Variants in NR2C1 observed in about 807,000 individuals in gnomAD.
NR2C1 encodes the protein TR2 nuclear hormone receptor.
A neutral mutation model predicts 74.8 loss-of-function variants in NR2C1; 33 were observed. That is an observed-to-expected ratio of 0.44 (90% CI 0.33 to 0.59). The LOEUF (loss-of-function observed/expected upper bound fraction) is 0.59, where lower values mean the gene tolerates loss of function less well. NR2C1 is among the 20% of genes least tolerant of loss of function. The pLI is 0.02. For synonymous variants in NR2C1, 225 were observed against 240.6 expected (o/e 0.94, Z 0.60); for missense variants, 568 against 715.6 (o/e 0.79, Z 2.35).
At chr12:95,047,757 A>C (rs1423950730) in intron 9 of NR2C1, among the ~76,000 whole-genome samples, 2 of 152,238 alleles carry the variant, frequency 1.3e-5, no homozygotes, top group Non-Finnish European at 2.9e-5. Flanking sequence ...GTTAAAATGG[A>C]AGAGTCAAAA....
chr12:95,050,850 C>A (rs1872901263), intron 8 of NR2C1, among the ~76,000 whole-genome samples: 1 of 152,104 alleles, frequency 6.6e-6, no homozygotes, highest in Non-Finnish European at 1.5e-5. Flanking sequence ...CTACTTTCTT[C>A]AACTGTAACT....
chr12:95,048,622 GTT>G lies in NR2C1; in HGVS notation c.1131+444_1131+445del, dbSNP rs899683567. Reference sequence around the variant, plus strand: ...ACATTTTGTTTCTATATGCAGATGAGTTTTTTTTTTTTTTTTTTTGAGACAGA... The same window carrying G: ...ACATTTTGTTTCTATATGCAGATGAGTTTTTTTTTTTTTTTTTGAGACAGA... On this transcript the variant is annotated intron_variant, in intron 9 of 13. Coordinates refer to ENST00000333003, the MANE Select transcript of NR2C1 (RefSeq NM_003297.4). 5.9e-3 allele frequency among the ~76,000 whole-genome samples: 772 copies of G among 130,476 alleles called. 8 individuals carry two copies. Among genetic ancestry groups the G allele is most frequent in the African/African-American group, 0.02 (726 of 36,118 alleles). 85.6% of individuals were successfully genotyped at this position (130,476 alleles called of 152,430 possible). A position where few individuals can be genotyped will look rare whatever the true frequency, so the allele number is the denominator to read the frequency against.
At chr12:95,046,252 C>CTTA (rs942240643) in intron 9 of NR2C1, among the ~76,000 whole-genome samples, 9 of 152,204 alleles carry the variant, frequency 5.9e-5, no homozygotes, top group Non-Finnish European at 2.9e-5. Context: ...AGACACTAAA[C>CTTA]ATCTCTACAT....
At chr12:95,060,419 T>C (rs369798490) in intron 3 of NR2C1, among the ~76,000 whole-genome samples, 66 of 152,294 alleles carry the variant, frequency 4.3e-4, no homozygotes, top group African/African-American at 1.6e-3. Flanking sequence ...TTTGGGAGGC[T>C]GAGGCGGGCA....
chr12:95,066,001 T>C (rs1312345297), intron 2 of NR2C1, among the ~76,000 whole-genome samples: 2 of 151,932 alleles, frequency 1.3e-5, no homozygotes, highest in African/African-American at 2.4e-5. Flanking sequence ...TGCTATCAAA[T>C]ACTAGGTCTA....
intron 8 of NR2C1, among the ~76,000 whole-genome samples, chr12:95,050,934 T>A (rs965347357): frequency 3.9e-5 from 6 of 152,194 alleles, no homozygotes; most frequent in Admixed American, 3.3e-4. Flanking sequence ...AGGATCAATA[T>A]GATTGCCTAG....
chr12:95,055,461 A>G (rs1873691826), intron 7 of NR2C1, among the ~76,000 whole-genome samples: 1 of 152,212 alleles, frequency 6.6e-6, no homozygotes. Flanking sequence ...AAACTGTAAG[A>G]TACTTTTATT....
In NR2C1 at chr12:95,059,894, T is replaced by C. The variant is rs1287260489; in HGVS notation, c.364+12A>G. 1.9e-6 allele frequency: 3 copies of C among 1,569,580 alleles called. No homozygotes were observed. Among genetic ancestry groups the C allele is most frequent in the Non-Finnish European group, 1.7e-6 (2 of 1,162,846 alleles). On this transcript the variant is annotated intron_variant, in intron 4 of 13. Transcript: ENST00000333003. ...TTTTTTTCTGTTTTTAGGAGGTTAT[T>C]CTTAATGTTACCTGATGCTTTGTCT...
At chr12:95,060,112 T>C in intron 3 of NR2C1, 128 bp from the exon 4 acceptor site, 1 of 755,670 alleles carries the variant, frequency 1.3e-6, no homozygotes, top group Non-Finnish European at 2.1e-6. Context: ...TTTCACAAGT[T>C]ATTTTTAAAC....
chr12:95,068,295 A>G (rs1441019112), intron 1 of NR2C1, among the ~76,000 whole-genome samples: 1 of 151,988 alleles, frequency 6.6e-6, no homozygotes, highest in African/African-American at 2.4e-5. Context: ...ACTAATTTTA[A>G]CTCAATTATC....
chr12:95,023,090 G>A (rs1565828449), intron 13 of NR2C1, among the ~76,000 whole-genome samples: 3 of 151,750 alleles, frequency 2.0e-5, no homozygotes, highest in South Asian at 2.1e-4. Flanking sequence ...TCAGGAGTTC[G>A]AGACCAGCCT....
Position 95,049,014 on chromosome 12 carries a change from T to C in NR2C1, c.1131+54A>G, listed in dbSNP as rs533094642. The C allele has an allele frequency of 5.2e-5, 76 of 1,448,886 alleles. No individual in the cohort carries two copies. The East Asian group carries it at 1.6e-3, about 31-fold the overall frequency. 89.8% of individuals were successfully genotyped at this position (1,448,886 alleles called of 1,614,324 possible). A position where few individuals can be genotyped will look rare whatever the true frequency, so the allele number is the denominator to read the frequency against. On this transcript the variant is annotated intron_variant, in intron 9 of 13. Transcript: ENST00000333003. ...CAAACATACTTTGATTTTTGAAAGG[T>C]AGATCAAAATCAAGCAACACAACAT...
Position 95,060,000 on chromosome 12 carries a change from AAAAAAAAG to A in NR2C1, c.286-24_286-17del. On this transcript the variant is annotated splice_polypyrimidine_tract_variant and intron_variant, in intron 3 of 13. Transcript: ENST00000333003. ...CTGTTAGGAGCTAAAAAAAAAAAAAAAAAAAAAGAAAACAAAAACGAAAACCTGTTGTT... is the reference window on the plus strand; with the variant it reads ...CTGTTAGGAGCTAAAAAAAAAAAAAAAAAACAAAAACGAAAACCTGTTGTT... 6.5e-7 allele frequency: 1 copy of A among 1,549,132 alleles called. No homozygotes were observed. The highest frequency in any genetic ancestry group is 8.6e-7 in the Non-Finnish European group (1 of 1,156,744).
At position 95,073,545 on chromosome 12, in the gene NR2C1, T is replaced by C. The variant is rs915450614; in HGVS notation, c.-173A>G. 1 of 152,226 alleles carries C rather than the reference T, an allele frequency of 6.6e-6. No homozygotes were observed. Among genetic ancestry groups the C allele is most frequent in the Non-Finnish European group, 1.5e-5 (1 of 68,048 alleles). 9.4% of individuals were successfully genotyped at this position (152,226 alleles called of 1,614,324 possible). On this transcript the variant is annotated 5_prime_UTR_variant, in exon 1 of 14. Transcript: ENST00000333003. ...AGAGCTTTCTGTGTTTGGGTATTTC[T>C]GGGGGGTCAGAGTTCGTGACCTCTT...
At chr12:95,048,343 A>G (rs1212043664) in intron 9 of NR2C1, among the ~76,000 whole-genome samples, 2 of 152,266 alleles carry the variant, frequency 1.3e-5, no homozygotes, top group Admixed American at 6.5e-5. Context: ...ATTACGATAT[A>G]GTAGTAGCTA....
In NR2C1 at chr12:95,020,531, A is replaced by G. The variant is rs904763637; in HGVS notation, c.*1698T>C. The G allele has an allele frequency of 1.3e-5, 2 of 152,214 alleles. No homozygotes were observed. The highest frequency in any genetic ancestry group is 1.3e-4 in the Admixed American group (2 of 15,276). The allele number at this position is 152,214 out of a possible 1,614,324, so 9.4% of individuals were successfully genotyped here. ...ATTGTTGACTAAGATCATGTTTTAA[A>G]TAGGGAAAAAAGTTTCCCTTAGTAA... On this transcript the variant is annotated 3_prime_UTR_variant, in exon 14 of 14. Coordinates refer to ENST00000333003, the MANE Select transcript of NR2C1 (RefSeq NM_003297.4).
chr12:95,067,050 T>C, intron 2 of NR2C1: 1 of 450,466 alleles, frequency 2.2e-6, no homozygotes, highest in Non-Finnish European at 3.9e-6. Context: ...AAAGCATTCC[T>C]ACTCACTCTA....
chr12:95,058,437 T>C lies in NR2C1; in HGVS notation c.417A>G (p.Arg139=), dbSNP rs201436438. Residue 139 remains arginine, a synonymous_variant, in exon 5 of 14, where the codon AGA becomes AGG. Transcript: ENST00000333003. ...AATATACTAAATTTTTTCGGATGCT[T>C]CTTTTAAAAAATCCTTTGCAGCCTT... ...TCEGCKGFFK[R]SIRKNLVYSC... is the part of the protein sequence containing the mutation. 58 of 1,613,570 alleles carry C rather than the reference T, an allele frequency of 3.6e-5. No individual in the cohort carries two copies. Among genetic ancestry groups the C allele is most frequent in the Admixed American group, 1.7e-5 (1 of 59,980 alleles).
intron 10 of NR2C1, among the ~76,000 whole-genome samples, chr12:95,038,328 C>T (rs1158049568): frequency 6.6e-6 from 1 of 152,188 alleles, no homozygotes; most frequent in Non-Finnish European, 1.5e-5. Context: ...GAGTTCAAAC[C>T]ACTCCCCAAA....
Sources: allele counts gnomAD v4.1 joint callset (sites outside exome capture counted in the v4.1 genomes callset), GRCh38; gene constraint gnomAD v4.1.1; transcripts MANE v1.5; gene names NCBI Gene and HGNC (gene_info 2026-07-23, HGNC 2026-07-21).